The following VPS13B variants were observed in gnomAD, a reference collection of about 807,000 sequenced individuals.
VPS13B encodes the protein vacuolar protein sorting 13 homolog B, also known as intermembrane lipid transfer protein VPS13B.
In VPS13B, 285 loss-of-function variants were observed where a neutral mutation model predicts 426.4. That is an observed-to-expected ratio of 0.67 (90% CI 0.61 to 0.74). The LOEUF (loss-of-function observed/expected upper bound fraction) is 0.74, where lower values mean the gene tolerates loss of function less well. Ranked by LOEUF, VPS13B falls within the 30% of genes least tolerant of loss-of-function variation. The probability of loss-of-function intolerance (pLI) is 0.00; values close to 1 mark genes in which losing one functional copy is unlikely to be tolerated. For missense variants in VPS13B, 4,537 were observed against 4,782.6 expected (o/e 0.95, Z 1.51); for synonymous variants, 1,676 against 1,676.4 (o/e 1.00, Z 0.01).
chr8:99,606,509 AAAAAAGAAAAAAGAAAAAG>A (rs1827585914), intron 33 of VPS13B, among the ~76,000 whole-genome samples: 1 of 151,146 alleles, frequency 6.6e-6, no homozygotes, highest in Non-Finnish European at 1.5e-5. Flanking sequence ...AAAAAAAAAA[AAAAAAGAAAAAAGAAAAAG>A]AAAAAGAAAA....
At chr8:99,687,520 G>C (rs1831465683) in intron 35 of VPS13B, among the ~76,000 whole-genome samples, 2 of 151,962 alleles carry the variant, frequency 1.3e-5, no homozygotes, top group African/African-American at 4.8e-5. Context: ...CTGCCCACAG[G>C]ATGGTTCTCC....
chr8:99,158,484 G>C (rs1811480808), intron 15 of VPS13B, among the ~76,000 whole-genome samples: 1 of 152,196 alleles, frequency 6.6e-6, no homozygotes, highest in African/African-American at 2.4e-5. Flanking sequence ...AATGAGCCAA[G>C]ATCAGGCTGT....
chr8:99,598,651 C>T, intron 33 of VPS13B, among the ~76,000 whole-genome samples: 1 of 151,982 alleles, frequency 6.6e-6, no homozygotes, highest in Non-Finnish European at 1.5e-5. Context: ...TGTGGGAGTT[C>T]TTTGATCTCT....
At chr8:99,695,842 A>G (rs1287459852) in intron 35 of VPS13B, 1 of 152,158 alleles carries the variant, frequency 6.6e-6, no homozygotes, top group Admixed American at 6.5e-5. Context: ...ATGTCTGAGG[A>G]AGGTGAGAAG....
chr8:99,234,530 AGGGGCCGCAGGGCTGGGGTTCG>A (rs1280272039), intron 17 of VPS13B: 4 of 473,522 alleles, frequency 8.4e-6, no homozygotes, highest in Non-Finnish European at 1.7e-5. Flanking sequence ...GTTGGGGTTC[AGGGGCCGCAGGGCTGGGGTTCG>A]GGGGCCGCGT....
chr8:99,713,420 T>C (rs571536770), intron 36 of VPS13B, among the ~76,000 whole-genome samples: 5 of 152,316 alleles, frequency 3.3e-5, no homozygotes, highest in African/African-American at 1.2e-4. Flanking sequence ...TAAGGTGGAT[T>C]AGAAACAGAC....
At chr8:99,545,321 G>A (rs935263634) in intron 30 of VPS13B, among the ~76,000 whole-genome samples, 5 of 151,990 alleles carry the variant, frequency 3.3e-5, no homozygotes, top group Admixed American at 2.6e-4. Context: ...AGTTTTTCTA[G>A]GGCAGTGCCT....
intron 35 of VPS13B, among the ~76,000 whole-genome samples, chr8:99,699,131 CTTTTTTTTTTTT>C (rs370004663): frequency 3.3e-5 from 3 of 90,556 alleles, no homozygotes; most frequent in Admixed American, 1.3e-4. Flanking sequence ...TAAGGAAAGT[CTTTTTTTTTTTT>C]TTTTTTTTTT....
At chr8:99,665,238 G>C (rs1830435889) in intron 35 of VPS13B, among the ~76,000 whole-genome samples, 3 of 152,006 alleles carry the variant, frequency 2.0e-5, no homozygotes, top group African/African-American at 4.8e-5. Flanking sequence ...AGATGAGTAG[G>C]TTGCAAAAAT....
chr8:99,866,365 G>C (rs1817098989), intron 58 of VPS13B, among the ~76,000 whole-genome samples: 1 of 152,222 alleles, frequency 6.6e-6, no homozygotes. Flanking sequence ...TGTGAGCACA[G>C]AGGTAGATAA....
chr8:99,858,846 G>A (rs1168548635), intron 56 of VPS13B, among the ~76,000 whole-genome samples: 2 of 152,290 alleles, frequency 1.3e-5, no homozygotes, highest in East Asian at 3.9e-4. Context: ...TCAGAAGTTT[G>A]CATCCCCTTT....
chr8:99,161,062 G>T (rs1811623051), intron 15 of VPS13B, among the ~76,000 whole-genome samples: 1 of 152,144 alleles, frequency 6.6e-6, no homozygotes, highest in African/African-American at 2.4e-5. Flanking sequence ...ATGTTATATG[G>T]AGAGTAGCAG....
intron 25 of VPS13B, among the ~76,000 whole-genome samples, chr8:99,492,136 G>A (rs541603165): frequency 4.3e-4 from 65 of 152,294 alleles, no homozygotes; most frequent in African/African-American, 1.5e-3. Context: ...CTGCAGGTCT[G>A]TTGGAATTTA....
intron 3 of VPS13B, among the ~76,000 whole-genome samples, chr8:99,073,961 G>T (rs1844975857): frequency 6.6e-6 from 1 of 151,734 alleles, no homozygotes; most frequent in Non-Finnish European, 1.5e-5. Context: ...TGTAGAGATA[G>T]AGTCTCCCTA....
rs779696637 is a variant in VPS13B, at chr8:99,778,706, T to C, written c.7454T>C (p.Phe2485Ser). The change falls in exon 42 of 62, where the codon TTT becomes TCT. Residue 2485 changes from phenylalanine (F) to serine (S), a missense_variant. Around this residue, in one of 2 missense-constraint regions of VPS13B, gnomAD observed 4,311 missense variants for 4,474.3 expected, o/e 0.96. Transcript: ENST00000357162. ...GCTGCACCACAGTACCTACAGCCAT[T>C]TGTTTCCGACAGAAATATGCCATCT... is the stretch of plus-strand genomic sequence containing the variant. Reference protein sequence around the residue: ...GTAAPQYLQPFVSDRNMPSEL... With the variant: ...GTAAPQYLQPSVSDRNMPSEL... 2.5e-6 allele frequency: 4 copies of C among 1,613,948 alleles called. No individual in the cohort carries two copies. The Admixed American group carries it at 6.7e-5, about 27-fold the overall frequency.
rs774143549 is a variant in VPS13B at position 99,861,888 on chromosome 8, C to T, written c.11157C>T (p.Pro3719=). 6.3e-6 allele frequency: 10 copies of T among 1,596,444 alleles called. No homozygotes were observed. Among genetic ancestry groups the T allele is most frequent in the African/African-American group, 5.3e-5 (4 of 74,776 alleles). ...NRQEEWRRQL[P]ESLGEGLRQG... Reference sequence around the variant, plus strand: ...AGGAGGAGTGGCGGCGGCAGCTCCCCGAGAGCCTGGGCGAGGGGCTTCGAC... The same window carrying T: ...AGGAGGAGTGGCGGCGGCAGCTCCCTGAGAGCCTGGGCGAGGGGCTTCGAC... The change falls in exon 58 of 62, where the codon CCC becomes CCT. Residue 3719 remains proline, a synonymous_variant. Coordinates refer to ENST00000357162, the MANE Select transcript of VPS13B (RefSeq NM_152564.5).
chr8:99,179,491 A>G (rs552503258), intron 16 of VPS13B, among the ~76,000 whole-genome samples: 153 of 152,176 alleles, frequency 1.0e-3, no homozygotes, highest in African/African-American at 3.5e-3. Context: ...CTTTTACCAA[A>G]TTGTTCACTA....
chr8:99,271,204 T>C (rs936380587), intron 17 of VPS13B, among the ~76,000 whole-genome samples: 87 of 109,782 alleles, frequency 7.9e-4, no homozygotes, highest in African/African-American at 2.0e-3. Flanking sequence ...TAACTACTAC[T>C]ACTACTACTA....
intron 14 of VPS13B, among the ~76,000 whole-genome samples, chr8:99,151,415 C>G (rs1811072596): frequency 6.6e-6 from 1 of 152,002 alleles, no homozygotes; most frequent in Non-Finnish European, 1.5e-5. Context: ...ATAGATTGTG[C>G]CTTTTGTGTT....
Sources: allele counts gnomAD v4.1 joint callset (sites outside exome capture counted in the v4.1 genomes callset), GRCh38; gene constraint gnomAD v4.1.1; regional missense constraint gnomAD v4.1.1; transcripts MANE v1.5; gene names NCBI Gene and HGNC (gene_info 2026-07-23, HGNC 2026-07-21).